FANCB: variants seen among roughly 807,000 people sequenced by gnomAD.
FANCB encodes the protein FA complementation group B, also known as Fanconi anemia group B protein.
Under a neutral mutation model 38.9 loss-of-function variants are expected in FANCB, and 5 were observed. That is an observed-to-expected ratio of 0.13 (90% CI 0.07 to 0.27). FANCB has a LOEUF of 0.27. FANCB is among the 10% of genes least tolerant of loss of function. FANCB has a pLI of 1.00. For synonymous variants in FANCB, 236 were observed against 215.4 expected (o/e 1.10, Z -0.84); for missense variants, 573 against 602.7 (o/e 0.95, Z 0.52).
chrX:14,770,394 CTTCT>C, the FANCB span, among the ~76,000 whole-genome samples: 2 of 109,913 alleles, frequency 1.8e-5, no homozygotes, highest in Admixed American at 9.6e-5. Flanking sequence ...CCATTATGCC[CTTCT>C]TTGTCTTTTT....
In FANCB at chrX:14,843,712, T is replaced by C. The variant is rs780116069; in HGVS notation, c.2435A>G (p.Tyr812Cys). The stretch of plus-strand genomic sequence containing the variant: ...CTTTTCTCTCTGAAGTTCTTTTCTG[T>C]AGGGATGGATATTTTCCCTTCTGTC... The part of the protein sequence containing the change: ...LSDRRENIHP[Y>C]RKELQREKKK... The change falls in exon 10 of 10, where the codon TAC (tyrosine) becomes TGC (cysteine). Residue 812 changes from tyrosine to cysteine, a missense_variant. Coordinates refer to ENST00000650831, the MANE Select transcript of FANCB (RefSeq NM_001018113.3). 1.8e-4 allele frequency: 218 copies of C among 1,209,386 alleles called. No homozygotes were observed. The South Asian group carries it at 2.9e-3, about 16-fold the overall frequency.
chrX:14,849,292 AAAG>A (rs1221625078), intron 7 of FANCB, among the ~76,000 whole-genome samples: 4 of 111,662 alleles, frequency 3.6e-5, no homozygotes, highest in South Asian at 3.7e-4. Context: ...GTACCACATT[AAAG>A]AAGAGAGAAG....
At chrX:14,760,959 A>C in the FANCB span, among the ~76,000 whole-genome samples, 1 of 111,146 alleles carries the variant, frequency 9.0e-6, no homozygotes, top group African/African-American at 3.3e-5. Context: ...TGACAGGGTG[A>C]GTCTCTGTCT....
the FANCB span, among the ~76,000 whole-genome samples, chrX:14,694,976 A>C: frequency 2.7e-5 from 3 of 112,150 alleles, no homozygotes. Flanking sequence ...CTTGAGTCAC[A>C]TTTTTATGCT....
the FANCB span, among the ~76,000 whole-genome samples, chrX:14,802,490 G>A: frequency 9.0e-6 from 1 of 111,589 alleles, no homozygotes; most frequent in African/African-American, 3.3e-5. Flanking sequence ...TTCTAATAAA[G>A]TAATCAGATT....
chrX:14,770,485 C>T, the FANCB span, among the ~76,000 whole-genome samples: 208 of 111,649 alleles, frequency 1.9e-3, no homozygotes, highest in African/African-American at 6.5e-3. Context: ...TTTTCATTTG[C>T]TTGGTAAATT....
the FANCB span, among the ~76,000 whole-genome samples, chrX:14,787,507 G>A: frequency 2.7e-5 from 3 of 110,617 alleles, no homozygotes; most frequent in South Asian, 1.1e-3. Context: ...TTAATGTATT[G>A]TATATTTCAA....
chrX:14,752,980 GACACACACACACACACACACAC>G, the FANCB span, among the ~76,000 whole-genome samples: 2 of 68,470 alleles, frequency 2.9e-5, no homozygotes, highest in African/African-American at 5.0e-5. Flanking sequence ...CTCTCTCTCT[GACACACACACACACACACACAC>G]ACACACACAC....
chrX:14,756,252 A>G, the FANCB span, among the ~76,000 whole-genome samples: 2 of 112,031 alleles, frequency 1.8e-5, no homozygotes, highest in Non-Finnish European at 3.8e-5. Flanking sequence ...GTATCATGAC[A>G]CTGGTCTGGG....
chrX:14,788,049 T>C, the FANCB span, among the ~76,000 whole-genome samples: 1 of 106,855 alleles, frequency 9.4e-6, no homozygotes, highest in Admixed American at 1.0e-4. Context: ...GGCTAGACTG[T>C]GTCAGAGGAA....
At chrX:14,858,032 A>G (rs1040489877) in intron 4 of FANCB, 78 bp from the exon 5 acceptor site, 6 of 639,851 alleles carry the variant, frequency 9.4e-6, no homozygotes, top group African/African-American at 6.7e-5. Flanking sequence ...CTAACAAAAT[A>G]CAATTAAAGT....
chrX:14,811,296 G>A, the FANCB span, among the ~76,000 whole-genome samples: 1 of 111,361 alleles, frequency 9.0e-6, no homozygotes, highest in Non-Finnish European at 1.9e-5. Context: ...ATAATGACAG[G>A]ATCAAATTCA....
chrX:14,821,270 C>T, the FANCB span, among the ~76,000 whole-genome samples: 2,510 of 111,418 alleles, frequency 0.023, 64 homozygotes, highest in African/African-American at 0.078. Context: ...TAAGAAACTG[C>T]CATATCAATT....
intron 2 of FANCB, among the ~76,000 whole-genome samples, chrX:14,868,488 G>A (rs759870544): frequency 2.7e-4 from 30 of 111,376 alleles, no homozygotes; most frequent in African/African-American, 6.2e-4. Context: ...GACAAATACC[G>A]CATGATCTCA....
the FANCB span, among the ~76,000 whole-genome samples, chrX:14,698,016 A>G: frequency 8.9e-6 from 1 of 111,885 alleles, no homozygotes; most frequent in Admixed American, 9.5e-5. Context: ...AAATTAACTA[A>G]TAACAATGAA....
the FANCB span, among the ~76,000 whole-genome samples, chrX:14,743,150 C>A: frequency 1.8e-5 from 2 of 112,105 alleles, no homozygotes; most frequent in Non-Finnish European, 3.8e-5. Context: ...ATGATCATAA[C>A]CTTACGGATA....
At chrX:14,734,001 C>A in the FANCB span, among the ~76,000 whole-genome samples, 1 of 111,826 alleles carries the variant, frequency 8.9e-6, no homozygotes, top group South Asian at 3.7e-4. Flanking sequence ...TTATGTATAT[C>A]TACTGTATTT....
At position 14,857,943 on chromosome X, in the gene FANCB, T is replaced by A; in HGVS notation, c.1116A>T (p.Ser372=). 1 of 1,137,958 alleles carries A rather than the reference T, an allele frequency of 8.8e-7. No homozygotes were observed. Among genetic ancestry groups the A allele is most frequent in the South Asian group, 1.8e-5 (1 of 55,011 alleles). 93.8% of individuals were successfully genotyped at this position (1,137,958 alleles called of 1,213,427 possible). ...LGKINYSSEP[S]DCNEDDLFED... ...CAAATAAGTCATCTTCATTGCAATC[T>A]GATGGTTCACTCTAATAAATAAATA... The change falls in exon 5 of 10, where the codon TCA becomes TCT. Residue 372 remains serine (S), a synonymous_variant. Transcript: ENST00000650831.
the FANCB span, among the ~76,000 whole-genome samples, chrX:14,692,687 A>G: frequency 9.0e-6 from 1 of 111,635 alleles, no homozygotes; most frequent in African/African-American, 3.3e-5. Context: ...AATTTAAGAA[A>G]CACTATCCTG....
Sources: allele counts gnomAD v4.1 joint callset (sites outside exome capture counted in the v4.1 genomes callset), GRCh38; gene constraint gnomAD v4.1.1; transcripts MANE v1.5; gene names NCBI Gene and HGNC (gene_info 2026-07-23, HGNC 2026-07-21).